Variants in TECPR2 observed in about 807,000 individuals in gnomAD.
TECPR2 encodes the protein tectonin beta-propeller repeat containing 2, also known as tectonin beta-propeller repeat-containing protein 2.
A neutral mutation model predicts 138.1 loss-of-function variants in TECPR2; 65 were observed. The observed-to-expected ratio is 0.47, with a 90% CI of 0.39 to 0.58. TECPR2 has a LOEUF of 0.58. Ranked by LOEUF, TECPR2 falls within the 20% of genes least tolerant of loss-of-function variation. The pLI is 0.00. For synonymous variants in TECPR2, 746 were observed against 749.8 expected, an observed-to-expected ratio of 0.99 and a Z score of 0.08; for missense variants, 1,553 against 1,824.5, an observed-to-expected ratio of 0.85 and a Z score of 2.71.
At position 102,498,510 on chromosome 14, in the gene TECPR2, T is replaced by C. The variant is rs567207024; in HGVS notation, c.*253T>C. 1.8e-6 allele frequency: 1 copy of C among 560,194 alleles called. No individual in the cohort carries two copies. The highest frequency in any genetic ancestry group is 3.1e-5 in the East Asian group (1 of 32,680). The allele number at this position is 560,194 out of a possible 1,614,324, so 34.7% of individuals were successfully genotyped here. ...GGACAGTGGCGACTGCCCGGCTGCA[T>C]GCACTCCGATTACCCACGTGCTGCC... On this transcript the variant is annotated 3_prime_UTR_variant, in exon 20 of 20. Transcript: ENST00000359520.
At chr14:102,497,951 G>T in intron 19 of TECPR2, 152 bp from the exon 20 acceptor site, 1 of 1,147,898 alleles carries the variant, frequency 8.7e-7, no homozygotes. Context: ...TACAGCTGAG[G>T]GTACGAAGTT....
At chr14:102,493,806 T>G (rs1891210905) in intron 17 of TECPR2, among the ~76,000 whole-genome samples, 1 of 152,196 alleles carries the variant, frequency 6.6e-6, no homozygotes, top group South Asian at 2.1e-4. Context: ...TCGGATCCCT[T>G]GGATCTCACC....
chr14:102,393,671 G>C (rs1417462727), intron 2 of TECPR2, among the ~76,000 whole-genome samples: 5 of 152,108 alleles, frequency 3.3e-5, no homozygotes, highest in African/African-American at 9.7e-5. Context: ...CGATTCTCCT[G>C]CCTCAGCCTC....
intron 13 of TECPR2, among the ~76,000 whole-genome samples, chr14:102,448,530 T>C (rs1362151159): frequency 6.6e-6 from 1 of 152,132 alleles, no homozygotes; most frequent in Non-Finnish European, 1.5e-5. Flanking sequence ...TTGATGCTCT[T>C]GCCCTGGAGT....
At chr14:102,390,477 C>T (rs531043178) in intron 2 of TECPR2, among the ~76,000 whole-genome samples, 66 of 152,170 alleles carry the variant, frequency 4.3e-4, no homozygotes, top group Non-Finnish European at 8.4e-4. Context: ...GACAGAATGG[C>T]TCCCTGGCTA....
chr14:102,374,999 G>A (rs1426121607), intron 1 of TECPR2, among the ~76,000 whole-genome samples: 1 of 152,152 alleles, frequency 6.6e-6, no homozygotes, highest in African/African-American at 2.4e-5. Flanking sequence ...GTGGCAGGCA[G>A]GCAGATAACC....
rs1297125627 is a variant in TECPR2, at chr14:102,419,836, T to A, written c.638+5043T>A. ...ACTGTGTCCCCTGTGAGTCTAGTACTCAGGGAAGCCCTCCCTGGCAGTAGC... is the reference window on the plus strand; with the variant it reads ...ACTGTGTCCCCTGTGAGTCTAGTACACAGGGAAGCCCTCCCTGGCAGTAGC... On this transcript the variant is annotated intron_variant, in intron 5 of 19. Coordinates refer to ENST00000359520, the MANE Select transcript of TECPR2 (RefSeq NM_014844.5). The surrounding 1 kb of genome is among the most constrained non-coding windows in gnomAD (Gnocchi z 4.8). Among the ~76,000 whole-genome samples the A allele has an allele frequency of 6.6e-6, 1 of 152,304 alleles. No homozygotes were observed. Among genetic ancestry groups the A allele is most frequent in the East Asian group, 1.9e-4 (1 of 5,184 alleles).
intron 9 of TECPR2, 120 bp from the exon 10 acceptor site, chr14:102,437,902 C>G: frequency 1.7e-6 from 2 of 1,190,564 alleles, no homozygotes; most frequent in Non-Finnish European, 2.4e-6. Context: ...GACTTGGCGT[C>G]TTGCTGACCC....
chr14:102,479,000 G>C lies in TECPR2; in HGVS notation c.3789+13711G>C, dbSNP rs866711543. On this transcript the variant is annotated intron_variant, in intron 17 of 19. Transcript: ENST00000359520. ...CCACTGCACTCCAGCCTGGGCGAAAGAGTAAGGCCCTGTCTCAAAAAAAAA... is the reference window on the plus strand; with the variant it reads ...CCACTGCACTCCAGCCTGGGCGAAACAGTAAGGCCCTGTCTCAAAAAAAAA... Among the ~76,000 whole-genome samples the C allele has an allele frequency of 1.6e-4, 19 of 116,898 alleles. No homozygotes were observed. In the South Asian group the frequency reaches 5.2e-3, roughly 32 times the overall value. The allele number at this position is 116,898 out of a possible 152,430, so 76.7% of individuals were successfully genotyped here. A position where few individuals can be genotyped will look rare whatever the true frequency, so the allele number is the denominator to read the frequency against.
intron 2 of TECPR2, among the ~76,000 whole-genome samples, chr14:102,383,923 T>C (rs1175839134): frequency 7.6e-6 from 1 of 131,196 alleles, no homozygotes; most frequent in African/African-American, 3.1e-5. Flanking sequence ...GTAGTTGTTC[T>C]TTTTTTTTTT....
At chr14:102,384,684 AAT>A (rs1306874927) in intron 2 of TECPR2, among the ~76,000 whole-genome samples, 14 of 146,608 alleles carry the variant, frequency 9.5e-5, no homozygotes, top group South Asian at 2.2e-4. Context: ...CTCAAAAAAA[AAT>A]ATATATATAT....
intron 1 of TECPR2, among the ~76,000 whole-genome samples, chr14:102,367,277 G>A (rs184280367): frequency 1.3e-5 from 2 of 152,232 alleles, no homozygotes; most frequent in Non-Finnish European, 2.9e-5. Context: ...TAATTTACAT[G>A]CCACACAGTT....
chr14:102,473,322 A>C (rs1338961999), intron 17 of TECPR2, among the ~76,000 whole-genome samples: 1 of 152,234 alleles, frequency 6.6e-6, no homozygotes, highest in Admixed American at 6.5e-5. Flanking sequence ...GGGTCCTGCA[A>C]ATGAGCCCAG....
At chr14:102,432,175 C>T (rs1218012283) in intron 8 of TECPR2, 47 bp downstream of exon 8, 2 of 1,446,360 alleles carry the variant, frequency 1.4e-6, no homozygotes, top group East Asian at 2.5e-5. Context: ...ACAGTCTTTC[C>T]AGATTCTCTG....
At chr14:102,411,739 G>A (rs1888877249) in intron 4 of TECPR2, among the ~76,000 whole-genome samples, 1 of 97,806 alleles carries the variant, frequency 1.0e-5, no homozygotes, top group African/African-American at 3.7e-5. Flanking sequence ...AAAGAAGATG[G>A]CTGGATTCTG....
At chr14:102,493,314 C>T (rs1182319431) in intron 17 of TECPR2, among the ~76,000 whole-genome samples, 1 of 152,226 alleles carries the variant, frequency 6.6e-6, no homozygotes, top group Non-Finnish European at 1.5e-5. Context: ...GCTTTTCTGT[C>T]TTCTCCACGC....
chr14:102,450,478 G>C, intron 14 of TECPR2, 82 bp from the exon 15 acceptor site: 1 of 1,369,922 alleles, frequency 7.3e-7, no homozygotes, highest in Non-Finnish European at 1.0e-6. Context: ...TTGAAGGCCA[G>C]CTGTCGTCCA....
intron 2 of TECPR2, among the ~76,000 whole-genome samples, chr14:102,394,412 A>C (rs1227553198): frequency 6.6e-6 from 1 of 152,108 alleles, no homozygotes; most frequent in African/African-American, 2.4e-5. Flanking sequence ...AGACCAGCCT[A>C]GGCAACATAG....
At chr14:102,407,016 C>A (rs572425803) in intron 2 of TECPR2, among the ~76,000 whole-genome samples, 1 of 152,180 alleles carries the variant, frequency 6.6e-6, no homozygotes. Context: ...TCTGCCACCA[C>A]GCCCAGCTAA....
Sources: gnomAD v4.1 joint callset for allele counts (sites outside exome capture counted in the v4.1 genomes callset) on GRCh38, gnomAD v4.1.1 for gene constraint, Gnocchi (gnomAD v3.1) non-coding constraint, MANE v1.5 for transcripts, NCBI Gene and HGNC (gene_info 2026-07-23, HGNC 2026-07-21) for gene names.